Variants in ATP13A4 observed in about 807,000 individuals in gnomAD.
The protein encoded by ATP13A4 is ATPase 13A4.
Under a neutral mutation model 142.5 loss-of-function variants are expected in ATP13A4, and 114 were observed. The ratio of observed to expected loss-of-function variants is 0.80; its 90% confidence interval spans 0.69 to 0.93. The LOEUF (loss-of-function observed/expected upper bound fraction) is 0.93. Among genes scored for constraint, ATP13A4 ranks in the 40% least tolerant of loss-of-function variants. ATP13A4 has a pLI of 0.00. For synonymous variants in ATP13A4, 488 were observed against 514.8 expected, an observed-to-expected ratio of 0.95 and a Z score of 0.70; for missense variants, 1,392 against 1,454.0, an observed-to-expected ratio of 0.96 and a Z score of 0.69.
chr3:193,529,346 A>C (rs559540451), intron 1 of ATP13A4, among the ~76,000 whole-genome samples: 1 of 152,110 alleles, frequency 6.6e-6, no homozygotes, highest in East Asian at 1.9e-4. Flanking sequence ...ACTTATAATT[A>C]TCCATTAAGT....
upstream of ATP13A4, among the ~76,000 whole-genome samples, chr3:193,559,941 A>C (rs1028230557): frequency 1.3e-5 from 2 of 152,240 alleles, no homozygotes; most frequent in African/African-American, 4.8e-5. Context: ...GATGGTCCCC[A>C]GGCAGAAGCT....
At chr3:193,419,329 G>A (rs1475439731) in intron 25 of ATP13A4, among the ~76,000 whole-genome samples, 1 of 150,150 alleles carries the variant, frequency 6.7e-6, no homozygotes, top group East Asian at 2.1e-4. Flanking sequence ...AGATGACGCT[G>A]TGCACTGCCT....
intron 1 of ATP13A4, among the ~76,000 whole-genome samples, chr3:193,539,770 C>T (rs1242496851): frequency 6.6e-6 from 1 of 152,150 alleles, no homozygotes. Context: ...TAAAGTATCA[C>T]ATGAAAATGC....
chr3:193,577,784 T>G (rs1724428625), intron 2 of ATP13A4, among the ~76,000 whole-genome samples: 1 of 152,220 alleles, frequency 6.6e-6, no homozygotes, highest in African/African-American at 2.4e-5. Context: ...CTTTATCAAA[T>G]AGATCTCTAT....
intron 18 of ATP13A4, among the ~76,000 whole-genome samples, chr3:193,445,089 C>T (rs1435381406): frequency 6.6e-6 from 1 of 152,184 alleles, no homozygotes; most frequent in African/African-American, 2.4e-5. Flanking sequence ...AACCAGAGCA[C>T]ATGACTAGAG....
intron 28 of ATP13A4, among the ~76,000 whole-genome samples, chr3:193,410,479 A>C (rs1052174322): frequency 6.6e-6 from 1 of 152,206 alleles, no homozygotes. Flanking sequence ...TTGGGAGGCC[A>C]AGGCAGGAGG....
intron 1 of ATP13A4, among the ~76,000 whole-genome samples, chr3:193,590,468 T>C (rs903585889): frequency 2.0e-5 from 3 of 152,158 alleles, no homozygotes; most frequent in Non-Finnish European, 4.4e-5. Flanking sequence ...TCTGGCCACA[T>C]TGATTCCTGA....
At chr3:193,540,676 A>G (rs767505789) in intron 1 of ATP13A4, among the ~76,000 whole-genome samples, 6 of 152,018 alleles carry the variant, frequency 3.9e-5, no homozygotes, top group Non-Finnish European at 8.8e-5. Flanking sequence ...ATTAAATACT[A>G]TTATATAGCC....
intron 10 of ATP13A4, among the ~76,000 whole-genome samples, chr3:193,466,977 A>G (rs1020122509): frequency 1.3e-4 from 20 of 152,174 alleles, no homozygotes; most frequent in African/African-American, 4.8e-4. Flanking sequence ...CTACTATTTG[A>G]TAGTACAAAG....
intron 12 of ATP13A4, 80 bp from the exon 13 acceptor site, chr3:193,462,903 G>A (rs947444680): frequency 3.9e-5 from 54 of 1,392,056 alleles, no homozygotes; most frequent in African/African-American, 1.0e-4. Flanking sequence ...CCAGCACTAC[G>A]GGAGGCGGAG....
intron 1 of ATP13A4, 35 bp from the exon 2 acceptor site, chr3:193,514,906 T>G: frequency 6.2e-7 from 1 of 1,600,026 alleles, no homozygotes; most frequent in South Asian, 1.1e-5. Flanking sequence ...AAATATTGGT[T>G]AAGCACAATA....
intron 2 of ATP13A4, among the ~76,000 whole-genome samples, chr3:193,575,084 C>T (rs1430783394): frequency 6.6e-6 from 1 of 152,122 alleles, no homozygotes; most frequent in Non-Finnish European, 1.5e-5. Context: ...GAATGGTCTG[C>T]TGTGAGGAAG....
At chr3:193,555,176 A>T, upstream of ATP13A4, 1 of 354,410 alleles carries the variant, frequency 2.8e-6, no homozygotes, top group Admixed American at 3.8e-5. Context: ...AGGACAATAC[A>T]GAGTTGGCAG....
At chr3:193,493,058 C>A in intron 4 of ATP13A4, 32 bp downstream of exon 4, 2 of 1,607,788 alleles carry the variant, frequency 1.2e-6, no homozygotes, top group Non-Finnish European at 1.7e-6. Context: ...TAACATTTTT[C>A]TTCTTTGGCT....
chr3:193,544,690 AC>A (rs1723127276), intron 1 of ATP13A4, among the ~76,000 whole-genome samples: 1 of 152,240 alleles, frequency 6.6e-6, no homozygotes, highest in Admixed American at 6.5e-5. Flanking sequence ...TAAGACTTAT[AC>A]AAAAAGGGAT....
At chr3:193,587,969 A>G (rs1385588498) in intron 1 of ATP13A4, among the ~76,000 whole-genome samples, 1 of 151,534 alleles carries the variant, frequency 6.6e-6, no homozygotes, top group Non-Finnish European at 1.5e-5. Context: ...GAAAATATAT[A>G]TATATATTTA....
intron 19 of ATP13A4, 144 bp downstream of exon 19, chr3:193,442,249 G>T: frequency 1.2e-6 from 1 of 845,900 alleles, no homozygotes. Flanking sequence ...TGAAAAGTAT[G>T]GAAAAACCAA....
At chr3:193,443,108 G>T (rs541759975) in intron 18 of ATP13A4, among the ~76,000 whole-genome samples, 3 of 152,096 alleles carry the variant, frequency 2.0e-5, no homozygotes, top group Non-Finnish European at 4.4e-5. Context: ...TTTGACTGGC[G>T]TGTGGGCCTC....
intron 2 of ATP13A4, among the ~76,000 whole-genome samples, chr3:193,562,150 C>A (rs1724030205): frequency 6.6e-6 from 1 of 152,092 alleles, no homozygotes; most frequent in African/African-American, 2.4e-5. Context: ...TCCTGGACCC[C>A]ACATACTCTG....
Sources: gnomAD v4.1 joint callset for allele counts (sites outside exome capture counted in the v4.1 genomes callset) on GRCh38, gnomAD v4.1.1 for gene constraint, MANE v1.5 for transcripts, NCBI Gene and HGNC (gene_info 2026-07-23, HGNC 2026-07-21) for gene names.